The following ANKAR variants were observed in gnomAD, a reference collection of about 807,000 sequenced individuals.
ANKAR encodes the protein ankyrin and armadillo repeat containing.
A neutral mutation model predicts 146.2 loss-of-function variants in ANKAR; 136 were observed. That is an observed-to-expected ratio of 0.93 (90% confidence interval 0.81 to 1.07). The LOEUF is 1.07. Ranked by LOEUF, ANKAR falls within the 50% of genes least tolerant of loss-of-function variation. The pLI, the probability that ANKAR is intolerant of heterozygous loss-of-function variation, is 0.00. For synonymous variants in ANKAR, 500 were observed against 575.8 expected (o/e 0.87, Z 1.88); for missense variants, 1,567 against 1,679.9 (o/e 0.93, Z 1.18).
At chr2:189,679,439 T>C (rs761581814) in intron 2 of ANKAR, among the ~76,000 whole-genome samples, 5 of 152,204 alleles carry the variant, frequency 3.3e-5, no homozygotes, top group Non-Finnish European at 5.9e-5. Context: ...CTTTACCAAA[T>C]TGGATGTCTG....
Position 189,729,697 on chromosome 2 carries a change from T to TGC in ANKAR, c.3194-797_3194-796insCG, listed in dbSNP as rs1461277237. ...CAAATCTGTCCACATCAGCTGTGCG[T>TGC]GTGTGTGTGTGTGTGTGTGGTGCGG... On this transcript the variant is annotated intron_variant, in intron 15 of 22. Transcript: ENST00000684021. 4.6e-3 allele frequency among the ~76,000 whole-genome samples: 661 copies of TGC among 144,158 alleles called. 3 individuals are homozygous for TGC. Among genetic ancestry groups the TGC allele is most frequent in the African/African-American group, 0.015 (609 of 40,320 alleles). 94.6% of individuals were successfully genotyped at this position (144,158 alleles called of 152,430 possible).
intron 18 of ANKAR, among the ~76,000 whole-genome samples, chr2:189,756,358 A>G (rs535856353): frequency 1.3e-5 from 2 of 152,212 alleles, no homozygotes; most frequent in Admixed American, 6.5e-5. Context: ...TTGATTTACA[A>G]TATGAGAACT....
chr2:189,728,134 T>C (rs1286204333), intron 13 of ANKAR, 37 bp downstream of exon 13: 9 of 1,555,808 alleles, frequency 5.8e-6, no homozygotes, highest in East Asian at 4.5e-5. Flanking sequence ...TTTTCTTAGA[T>C]GATGTTTTCT....
chr2:189,739,410 A>G (rs751143841), intron 19 of ANKAR, among the ~76,000 whole-genome samples: 15 of 152,226 alleles, frequency 9.9e-5, no homozygotes, highest in Non-Finnish European at 4.4e-5. Flanking sequence ...ATGGCAAGGA[A>G]GGAAAAATGA....
At chr2:189,690,268 C>T (rs1460637468) in intron 3 of ANKAR, among the ~76,000 whole-genome samples, 1 of 152,150 alleles carries the variant, frequency 6.6e-6, no homozygotes, top group East Asian at 1.9e-4. Flanking sequence ...TATCATATCT[C>T]ATTCAAATTA....
chr2:189,699,616 C>T (rs2037764554), intron 7 of ANKAR, among the ~76,000 whole-genome samples: 1 of 152,144 alleles, frequency 6.6e-6, no homozygotes, highest in South Asian at 2.1e-4. Context: ...TGCATAAGCA[C>T]ATATAAGTAT....
intron 5 of ANKAR, 50 bp downstream of exon 5, chr2:189,693,227 T>C: frequency 8.4e-7 from 1 of 1,192,346 alleles, no homozygotes. Context: ...TTTTGCACGT[T>C]AGTAGAGAAC....
At chr2:189,687,354 A>C (rs1448670325) in intron 2 of ANKAR, among the ~76,000 whole-genome samples, 1 of 152,122 alleles carries the variant, frequency 6.6e-6, no homozygotes, top group Non-Finnish European at 1.5e-5. Flanking sequence ...TTCTTTATCC[A>C]TTCATCTGTT....
intron 14 of ANKAR, 40 bp downstream of exon 14, chr2:189,728,460 C>T (rs748751388): frequency 3.2e-6 from 5 of 1,554,096 alleles, no homozygotes; most frequent in Admixed American, 3.8e-5. Flanking sequence ...TTTTTAGAGA[C>T]AGGATCTTGC....
intron 12 of ANKAR, among the ~76,000 whole-genome samples, chr2:189,721,929 C>T (rs1321924686): frequency 6.6e-6 from 1 of 152,184 alleles, no homozygotes; most frequent in African/African-American, 2.4e-5. Context: ...GTGTCACTTT[C>T]TAAGAACCTC....
At chr2:189,717,861 C>G (rs1211207562) in intron 10 of ANKAR, among the ~76,000 whole-genome samples, 1 of 152,092 alleles carries the variant, frequency 6.6e-6, no homozygotes, top group Admixed American at 6.5e-5. Flanking sequence ...ACCACATGTT[C>G]TCACTCATAG....
chr2:189,746,693 G>A, downstream of ANKAR: 1 of 1,420,926 alleles, frequency 7.0e-7, no homozygotes. Flanking sequence ...TTTAATAATG[G>A]TAATATGCAA....
At chr2:189,704,332 C>T (rs1328657433) in intron 7 of ANKAR, among the ~76,000 whole-genome samples, 1 of 150,086 alleles carries the variant, frequency 6.7e-6, no homozygotes, top group Non-Finnish European at 1.5e-5. Context: ...TTTTAGTAGA[C>T]CCCAGTTTCA....
rs1347198531 is a variant in ANKAR at position 189,696,177 on chromosome 2, G to T, written c.1516G>T (p.Val506Phe). Reference protein sequence around the residue: ...KSIPFGMKSAVERGLSAVFHT... With the variant: ...KSIPFGMKSAFERGLSAVFHT... The stretch of plus-strand genomic sequence containing the variant: ...TATTCCATTTGGTATGAAGTCCGCT[G>T]TTGAAAGAGGGTTGTCTGCAGTTTT... The change falls in exon 7 of 23, where the codon GTT (valine) becomes TTT (phenylalanine). Residue 506 changes from valine (V) to phenylalanine (F), a missense_variant. By Grantham distance (50) the Val-to-Phe change is conservative. Coordinates refer to ENST00000684021, the MANE Select transcript of ANKAR (RefSeq NM_001378068.1). The T allele has an allele frequency of 6.2e-7, 1 of 1,614,028 alleles. No individual in the cohort carries two copies.
chr2:189,737,919 G>A, intron 18 of ANKAR, 78 bp downstream of exon 18: 1 of 1,367,174 alleles, frequency 7.3e-7, no homozygotes, highest in South Asian at 1.6e-5. Context: ...CAATTTGGAG[G>A]CCCAGAAAAA....
At chr2:189,675,337 A>G (rs1256384836) in intron 1 of ANKAR, among the ~76,000 whole-genome samples, 1 of 152,082 alleles carries the variant, frequency 6.6e-6, no homozygotes, top group Non-Finnish European at 1.5e-5. Context: ...TGGCACAGAA[A>G]TTGAAGGTTA....
At chr2:189,734,562 T>C (rs1228116662) in intron 17 of ANKAR, among the ~76,000 whole-genome samples, 1 of 152,094 alleles carries the variant, frequency 6.6e-6, no homozygotes, top group Non-Finnish European at 1.5e-5. Context: ...AGGAAGAAAA[T>C]TGCCAGCGAC....
At chr2:189,704,935 C>A in intron 7 of ANKAR, 88 bp from the exon 8 acceptor site, 1 of 1,248,340 alleles carries the variant, frequency 8.0e-7, no homozygotes, top group Non-Finnish European at 1.2e-6. Flanking sequence ...CAATACTAAG[C>A]TCTGTGGCTG....
At chr2:189,750,631 T>C (rs1237005875), downstream of ANKAR, 6 of 1,590,322 alleles carry the variant, frequency 3.8e-6, no homozygotes, top group Admixed American at 8.9e-5. Context: ...CCAACTTCTT[T>C]TGATATGTCT....
Sources: allele counts gnomAD v4.1 joint callset (sites outside exome capture counted in the v4.1 genomes callset), GRCh38; gene constraint gnomAD v4.1.1; transcripts MANE v1.5; gene names NCBI Gene and HGNC (gene_info 2026-07-23, HGNC 2026-07-21).